TFPI: variants seen among roughly 807,000 people sequenced by gnomAD.
The protein encoded by TFPI is anti-convertin.
TFPI carries 15 observed loss-of-function variants against 34.6 expected under a neutral mutation model. The observed-to-expected ratio is 0.43, with a 90% confidence interval of 0.29 to 0.67. TFPI has a LOEUF of 0.67. TFPI is among the 30% of genes least tolerant of loss of function. TFPI has a pLI of 0.15. For synonymous variants in TFPI, 105 were observed against 120.1 expected, an observed-to-expected ratio of 0.87 and a Z score of 0.82; for missense variants, 301 against 364.0, an observed-to-expected ratio of 0.83 and a Z score of 1.41.
chr2:187,493,537 C>T (rs1023509267), intron 3 of TFPI, among the ~76,000 whole-genome samples: 1 of 152,156 alleles, frequency 6.6e-6, no homozygotes, highest in African/African-American at 2.4e-5. Flanking sequence ...TTGAATTTTT[C>T]CTCAGAGAAT....
At chr2:187,485,261 G>A (rs1373036496) in intron 4 of TFPI, among the ~76,000 whole-genome samples, 1 of 151,534 alleles carries the variant, frequency 6.6e-6, no homozygotes, top group Non-Finnish European at 1.5e-5. Flanking sequence ...ATTTTACCAT[G>A]TACCACTCTT....
At chr2:187,509,134 C>T in intron 1 of TFPI, among the ~76,000 whole-genome samples, 1 of 152,126 alleles carries the variant, frequency 6.6e-6, no homozygotes, top group East Asian at 1.9e-4. Context: ...GGTTGCATCC[C>T]AGGGATGAAG....
intron 1 of TFPI, chr2:187,518,785 G>A (rs1210450958): frequency 6.6e-6 from 1 of 152,154 alleles, no homozygotes; most frequent in African/African-American, 2.4e-5. Context: ...CCAATCAAAC[G>A]TAGATTTGGT....
At chr2:187,516,782 C>G (rs1687033492) in intron 1 of TFPI, 1 of 152,202 alleles carries the variant, frequency 6.6e-6, no homozygotes, top group African/African-American at 2.4e-5. Context: ...GTTACGTTAT[C>G]TATAGATTCC....
At chr2:187,536,754 G>C (rs908241743) in intron 1 of TFPI, among the ~76,000 whole-genome samples, 1 of 127,462 alleles carries the variant, frequency 7.8e-6, no homozygotes, top group East Asian at 2.0e-4. Context: ...GTAAGAGAAA[G>C]AAATAAAGGG....
chr2:187,546,828 A>G (rs1574541913), intron 1 of TFPI: 1 of 152,110 alleles, frequency 6.6e-6, no homozygotes, highest in Admixed American at 6.6e-5. Context: ...CTACCTGTCT[A>G]TGTAACTCTT....
intron 1 of TFPI, chr2:187,516,778 T>C (rs1310078779): frequency 6.6e-6 from 1 of 152,280 alleles, no homozygotes; most frequent in South Asian, 2.1e-4. Context: ...ACCGGTTACG[T>C]TATCTATAGA....
chr2:187,484,067 T>G, intron 6 of TFPI, 57 bp downstream of exon 6: 1 of 1,426,648 alleles, frequency 7.0e-7, no homozygotes, highest in South Asian at 1.2e-5. Flanking sequence ...CACAATCCAC[T>G]TCATTGTTAG....
chr2:187,477,259 C>T (rs1471454392), intron 6 of TFPI, among the ~76,000 whole-genome samples: 1 of 152,142 alleles, frequency 6.6e-6, no homozygotes, highest in African/African-American at 2.4e-5. Context: ...AAGTAGAAAA[C>T]TTGCTGGGTG....
At chr2:187,470,432 C>G (rs1008434525) in intron 6 of TFPI, among the ~76,000 whole-genome samples, 1 of 152,192 alleles carries the variant, frequency 6.6e-6, no homozygotes, top group Non-Finnish European at 1.5e-5. Flanking sequence ...AAAAGCTAGG[C>G]TAGTACATAT....
In TFPI at chr2:187,467,807, C is replaced by T; in HGVS notation, c.754G>A (p.Gly252Arg). The T allele has an allele frequency of 6.2e-7, 1 of 1,611,474 alleles. No individual in the cohort carries two copies. The highest frequency in any genetic ancestry group is 8.5e-7 in the Non-Finnish European group (1 of 1,178,904). The change falls in exon 7 of 8, where the codon GGA (glycine) becomes AGA (arginine). Residue 252 changes from glycine (G) to arginine (R), a missense_variant. Physicochemically the swap from Gly to Arg is moderately radical, Grantham distance 125 (BLOSUM62 -2). Coordinates refer to ENST00000233156, the MANE Select transcript of TFPI (RefSeq NM_006287.6). Reference sequence around the variant, plus strand: ...TTGGAAGTAAAATTGTTTTCATTTCCCCCACATCCACTGTACTTAAATGGG... The same window carrying T: ...TTGGAAGTAAAATTGTTTTCATTTCTCCCACATCCACTGTACTTAAATGGG... ...CRPFKYSGCG[G>R]NENNFTSKQE...
At chr2:187,477,268 T>G (rs1021095539) in intron 6 of TFPI, among the ~76,000 whole-genome samples, 1 of 152,224 alleles carries the variant, frequency 6.6e-6, no homozygotes, top group African/African-American at 2.4e-5. Flanking sequence ...ACTTGCTGGG[T>G]GCTGTCCAAA....
At chr2:187,485,765 G>A (rs1042595765) in intron 4 of TFPI, among the ~76,000 whole-genome samples, 1 of 151,696 alleles carries the variant, frequency 6.6e-6, no homozygotes, top group Non-Finnish European at 1.5e-5. Flanking sequence ...CATGCACTGT[G>A]AAAAGAAGTG....
intron 1 of TFPI, among the ~76,000 whole-genome samples, chr2:187,531,556 A>G (rs1342756351): frequency 6.6e-6 from 1 of 152,170 alleles, no homozygotes; most frequent in Non-Finnish European, 1.5e-5. Context: ...ATTTAAAAAT[A>G]TCGATAGCAT....
intron 1 of TFPI, among the ~76,000 whole-genome samples, chr2:187,506,934 G>A (rs1559128583): frequency 6.6e-6 from 1 of 151,952 alleles, no homozygotes; most frequent in Non-Finnish European, 1.5e-5. Context: ...TATACTTTAA[G>A]TTCTGGGATA....
chr2:187,533,779 A>G (rs981568663), intron 1 of TFPI, among the ~76,000 whole-genome samples: 1 of 152,250 alleles, frequency 6.6e-6, no homozygotes, highest in Non-Finnish European at 1.5e-5. Flanking sequence ...AAGCTAAGGG[A>G]GCATGTTCTA....
At chr2:187,489,826 T>C (rs1258867412) in intron 3 of TFPI, among the ~76,000 whole-genome samples, 1 of 151,522 alleles carries the variant, frequency 6.6e-6, no homozygotes, top group Non-Finnish European at 1.5e-5. Context: ...CTTTGAGGAC[T>C]AATAATAATA....
At chr2:187,493,110 G>A (rs1685231762) in intron 3 of TFPI, among the ~76,000 whole-genome samples, 1 of 152,144 alleles carries the variant, frequency 6.6e-6, no homozygotes. Context: ...CTCCATGAGA[G>A]CCCCACCCAT....
intron 1 of TFPI, among the ~76,000 whole-genome samples, chr2:187,521,564 C>T (rs1687373699): frequency 6.6e-6 from 1 of 151,868 alleles, no homozygotes; most frequent in South Asian, 2.1e-4. Flanking sequence ...AACAATTTGC[C>T]AGCATTTCAA....
Sources: allele counts gnomAD v4.1 joint callset (sites outside exome capture counted in the v4.1 genomes callset), GRCh38; gene constraint gnomAD v4.1.1; transcripts MANE v1.5; gene names NCBI Gene and HGNC (gene_info 2026-07-23, HGNC 2026-07-21).